Variants in UNC45A observed in about 807,000 individuals in gnomAD.
UNC45A encodes the protein unc-45 myosin chaperone A.
A neutral mutation model predicts 103.2 loss-of-function variants in UNC45A; 78 were observed. The observed-to-expected ratio is 0.76, with a 90% CI of 0.63 to 0.91. The LOEUF is 0.91. Ranked by LOEUF, UNC45A falls within the 40% of genes least tolerant of loss-of-function variation. UNC45A has a pLI of 0.00. For synonymous variants in UNC45A, 495 were observed against 504.6 expected (o/e 0.98, Z 0.25); for missense variants, 1,193 against 1,224.8 (o/e 0.97, Z 0.39).
chr15:90,946,547 G>C, intron 9 of UNC45A, 67 bp from the exon 10 acceptor site: 1 of 1,480,496 alleles, frequency 6.8e-7, no homozygotes, highest in Admixed American at 2.2e-5. Flanking sequence ...CAGTGGAGGG[G>C]AAGGGAGGGA....
rs1345492980 is a variant in UNC45A, at chr15:90,946,811, G to A, written c.1397G>A (p.Gly466Asp). Residue 466 changes from glycine (G) to aspartate (D), a missense_variant, in exon 10 of 20, where the codon GGC becomes GAC. Coordinates refer to ENST00000418476, the MANE Select transcript of UNC45A (RefSeq NM_018671.5). ...VAVEALIHAA[G>D]KAKRASFITA... ...GTGGAGGCTCTGATCCATGCAGCCG[G>A]CAAGGCTAAGCGGGCCTCATTCATC... 1.2e-6 allele frequency: 2 copies of A among 1,614,200 alleles called. No homozygotes were observed. Among genetic ancestry groups the A allele is most frequent in the Non-Finnish European group, 8.5e-7 (1 of 1,180,036 alleles).
chr15:90,932,490 G>T, upstream of UNC45A: 2 of 1,309,356 alleles, frequency 1.5e-6, no homozygotes, highest in Non-Finnish European at 9.7e-7. Context: ...GCCGGTGCTT[G>T]CGAGCCGCGA....
At chr15:90,943,986 GTTTTTTTTTTTT>G (rs953436599) in intron 8 of UNC45A, among the ~76,000 whole-genome samples, 5 of 78,320 alleles carry the variant, frequency 6.4e-5, no homozygotes, top group African/African-American at 1.5e-4. Context: ...ATTGTGCCCT[GTTTTTTTTTTTT>G]TTTTTTTTTT....
rs1156762859 is a variant in UNC45A at position 90,950,632 on chromosome 15, T to C, written c.2303+17T>C. 1.2e-6 allele frequency: 2 copies of C among 1,612,154 alleles called. No individual in the cohort carries two copies. Among genetic ancestry groups the C allele is most frequent in the Non-Finnish European group, 1.7e-6 (2 of 1,178,666 alleles). On this transcript the variant is annotated intron_variant, in intron 17 of 19. Transcript: ENST00000418476. ...GAGGCTCCGGTAAGGTCCCTTGGGA[T>C]TGCGGGGCCTGGACCAGGCATCGGG...
chr15:90,939,651 A>G, intron 4 of UNC45A, 80 bp from the exon 5 acceptor site: 2 of 1,461,786 alleles, frequency 1.4e-6, no homozygotes, highest in Non-Finnish European at 1.9e-6. Flanking sequence ...CAGAGTGAGG[A>G]GCTGGAGACA....
In UNC45A at chr15:90,949,365, G is replaced by A. The variant is rs1169015822; in HGVS notation, c.1928G>A (p.Gly643Asp). 1 of 1,613,522 alleles carries A rather than the reference G, an allele frequency of 6.2e-7. No individual in the cohort carries two copies. Among genetic ancestry groups the A allele is most frequent in the African/African-American group, 1.3e-5 (1 of 74,934 alleles). ...CGGGTGAAGAAGCTGCTGGCAGCGG[G>A]TGTGGTGTCGGCCATGGTGTGCATG... Reference protein sequence around the residue: ...RARVKKLLAAGVVSAMVCMVK... With the variant: ...RARVKKLLAADVVSAMVCMVK... The change falls in exon 14 of 20, where the codon GGT (glycine) becomes GAT (aspartate). Residue 643 changes from glycine (G) to aspartate (D), a missense_variant. By Grantham distance (94) the Gly-to-Asp change is moderately conservative. Transcript: ENST00000418476.
At chr15:90,932,403 CG>C (rs563508946), upstream of UNC45A, 385 of 1,290,304 alleles carry the variant, frequency 3.0e-4, 6 homozygotes, top group South Asian at 7.2e-3. Context: ...GTGCCGCAGC[CG>C]GCGCTCCGCG....
intron 6 of UNC45A, 78 bp from the exon 7 acceptor site, chr15:90,942,359 T>G: frequency 6.7e-7 from 1 of 1,501,730 alleles, no homozygotes; most frequent in South Asian, 1.3e-5. Flanking sequence ...GGCCGTATCC[T>G]CTAACTCACA....
At chr15:90,935,013 C>G, upstream of UNC45A, 3 of 553,128 alleles carry the variant, frequency 5.4e-6, no homozygotes, top group South Asian at 6.7e-5. Context: ...CCGTAGACCT[C>G]GTGCACTTCT....
In UNC45A at chr15:90,949,374, C is replaced by A; in HGVS notation, c.1937C>A (p.Ser646Ter). The change falls in exon 14 of 20, where the codon TCG becomes TAG. Residue 646 changes from serine (S) to a stop codon, truncating the protein, a stop_gained. Coordinates refer to ENST00000418476, the MANE Select transcript of UNC45A (RefSeq NM_018671.5). LOFTEE classifies it high-confidence loss of function. ...AAGCTGCTGGCAGCGGGTGTGGTGT[C>A]GGCCATGGTGTGCATGGTGAAGACG... ...VKKLLAAGVV[S>*]AMVCMVKTES... 1 of 1,613,658 alleles carries A rather than the reference C, an allele frequency of 6.2e-7. No individual in the cohort carries two copies. The highest frequency in any genetic ancestry group is 1.1e-5 in the South Asian group (1 of 91,060).
intron 1 of UNC45A, 39 bp from the exon 2 acceptor site, chr15:90,935,505 G>T (rs959617928): frequency 6.3e-7 from 1 of 1,575,244 alleles, no homozygotes; most frequent in African/African-American, 1.4e-5. Flanking sequence ...GCTCTGCCCC[G>T]AACCCCCTCC....
intron 3 of UNC45A, 99 bp downstream of exon 3, chr15:90,936,081 A>G (rs2036001842): frequency 6.4e-7 from 1 of 1,571,558 alleles, no homozygotes; most frequent in African/African-American, 1.4e-5. Flanking sequence ...CTTTGGCCCC[A>G]GAGACACATC....
chr15:90,934,903 G>A (rs1596205366), upstream of UNC45A: 9 of 440,958 alleles, frequency 2.0e-5, no homozygotes, highest in East Asian at 2.5e-4. Context: ...CAGCGAGAGC[G>A]CGGTCGGGGC....
intron 5 of UNC45A, 83 bp from the exon 6 acceptor site, chr15:90,940,223 C>T (rs948990462): frequency 1.1e-5 from 17 of 1,478,598 alleles, no homozygotes; most frequent in African/African-American, 1.1e-4. Context: ...CAGAGAGGTC[C>T]AGGGCTCGGG....
In UNC45A at chr15:90,946,814, A is replaced by G. The variant is rs755738719; in HGVS notation, c.1400A>G (p.Lys467Arg). Reference protein sequence around the residue: ...AVEALIHAAGKAKRASFITAN... With the variant: ...AVEALIHAAGRAKRASFITAN... Reference sequence around the variant, plus strand: ...GAGGCTCTGATCCATGCAGCCGGCAAGGCTAAGCGGGCCTCATTCATCACT... The same window carrying G: ...GAGGCTCTGATCCATGCAGCCGGCAGGGCTAAGCGGGCCTCATTCATCACT... The change falls in exon 10 of 20, where the codon AAG (lysine) becomes AGG (arginine). Residue 467 changes from lysine to arginine, a missense_variant. Physicochemically the swap from Lys to Arg is conservative, Grantham distance 26. Coordinates refer to ENST00000418476, the MANE Select transcript of UNC45A (RefSeq NM_018671.5). 1.2e-6 allele frequency: 2 copies of G among 1,614,222 alleles called. No individual in the cohort carries two copies. The highest frequency in any genetic ancestry group is 1.7e-6 in the Non-Finnish European group (2 of 1,180,044).
rs929119483 is a variant in UNC45A at position 90,935,435 on chromosome 15, C to T, written c.51+60C>T. The T allele has an allele frequency of 3.2e-6, 5 of 1,579,762 alleles. No homozygotes were observed. The South Asian group carries it at 4.6e-5, about 14-fold the overall frequency. ...CACCCGCCCTGACCATCCCTGGCCTCCTTCTCCCCATCCATGAGGCTCGCC... is the reference window on the plus strand; with the variant it reads ...CACCCGCCCTGACCATCCCTGGCCTTCTTCTCCCCATCCATGAGGCTCGCC... On this transcript the variant is annotated intron_variant, in intron 1 of 19. Transcript: ENST00000418476.
rs746250140 is a variant in UNC45A at position 90,944,967 on chromosome 15, G to C, written c.1103G>C (p.Arg368Pro). 1.9e-6 allele frequency: 3 copies of C among 1,612,758 alleles called. No homozygotes were observed. Among genetic ancestry groups the C allele is most frequent in the African/African-American group, 2.7e-5 (2 of 75,016 alleles). ...GAGCTCGCAGTGACCGCAAACAGCC[G>C]CATGAGCGCCTCTATTCTCCTCAGC... ...PGELAVTANS[R>P]MSASILLSKL... The change falls in exon 9 of 20, where the codon CGC becomes CCC. Residue 368 changes from arginine (R) to proline (P), a missense_variant. Coordinates refer to ENST00000418476, the MANE Select transcript of UNC45A (RefSeq NM_018671.5).
upstream of UNC45A, chr15:90,931,441 G>A (rs2151347915): frequency 6.2e-7 from 1 of 1,611,808 alleles, no homozygotes; most frequent in East Asian, 2.2e-5. Context: ...CTAGCGTGAT[G>A]TCAAGGAAAG....
intron 2 of UNC45A, 28 bp from the exon 3 acceptor site, chr15:90,935,918 C>T: frequency 6.2e-7 from 1 of 1,613,956 alleles, no homozygotes; most frequent in African/African-American, 1.3e-5. Flanking sequence ...GATGACCATT[C>T]CTTCAGGCTC....
Sources: gnomAD v4.1 joint callset for allele counts (sites outside exome capture counted in the v4.1 genomes callset) on GRCh38, gnomAD v4.1.1 for gene constraint, MANE v1.5 for transcripts, NCBI Gene and HGNC (gene_info 2026-07-23, HGNC 2026-07-21) for gene names.